DGKH: variants seen among roughly 807,000 people sequenced by gnomAD.
DGKH encodes DAG kinase eta.
In DGKH, 90 loss-of-function variants were observed where a neutral mutation model predicts 159.3. The ratio of observed to expected loss-of-function variants is 0.57; its 90% CI spans 0.48 to 0.67. DGKH has a LOEUF of 0.67. Ranked by LOEUF, DGKH falls within the 30% of genes least tolerant of loss-of-function variation. DGKH has a pLI of 0.00. For synonymous variants in DGKH, 536 were observed against 553.8 expected, an observed-to-expected ratio of 0.97 and a Z score of 0.45; for missense variants, 1,181 against 1,506.1, an observed-to-expected ratio of 0.78 and a Z score of 3.57.
downstream of DGKH, among the ~76,000 whole-genome samples, chr13:42,247,029 C>T (rs116262076): frequency 3.8e-3 from 574 of 152,222 alleles, 5 homozygotes; most frequent in African/African-American, 0.013. Context: ...AACTTCCTGT[C>T]GCCCAGTTAC....
Position 42,209,084 on chromosome 13 carries a change from TC to T in DGKH, c.2715+13del. ...ATCGAATAGCCCAGGTTGGTTTCTC[TC>T]GTCAAACCTGACTGCACTTCTTGGG... On this transcript the variant is annotated intron_variant, in intron 22 of 29. Coordinates refer to ENST00000337343, the MANE Select transcript of DGKH (RefSeq NM_178009.5). The T allele has an allele frequency of 4.4e-6, 7 of 1,603,604 alleles. No homozygotes were observed. Among genetic ancestry groups the T allele is most frequent in the Non-Finnish European group, 6.0e-6 (7 of 1,173,344 alleles).
chr13:42,096,755 T>A (rs890128328), intron 1 of DGKH, among the ~76,000 whole-genome samples: 3 of 152,196 alleles, frequency 2.0e-5, no homozygotes, highest in African/African-American at 7.2e-5. Context: ...CTGAGGACCC[T>A]TTCAAGATGG....
chr13:42,184,024 C>A (rs1956842440), intron 13 of DGKH, among the ~76,000 whole-genome samples: 1 of 152,114 alleles, frequency 6.6e-6, no homozygotes, highest in Admixed American at 6.5e-5. Flanking sequence ...TGTCATAGAA[C>A]CATAGAATTT....
At chr13:42,212,707 A>G (rs933644339) in intron 24 of DGKH, among the ~76,000 whole-genome samples, 2 of 152,188 alleles carry the variant, frequency 1.3e-5, no homozygotes, top group African/African-American at 4.8e-5. Flanking sequence ...TCAATTTTTG[A>G]ACCTCTTCTT....
chr13:42,186,940 C>G (rs753515389), intron 13 of DGKH, 109 bp from the exon 14 acceptor site: 7 of 895,876 alleles, frequency 7.8e-6, no homozygotes, highest in Non-Finnish European at 1.2e-5. Flanking sequence ...TACAGATGAC[C>G]CAGATATTTG....
At chr13:42,112,435 C>T (rs183994578) in intron 1 of DGKH, among the ~76,000 whole-genome samples, 3 of 152,102 alleles carry the variant, frequency 2.0e-5, no homozygotes, top group Non-Finnish European at 2.9e-5. Flanking sequence ...GAGTGAGCCA[C>T]GATGCCTGGC....
chr13:42,173,403 T>C (rs569641330), intron 11 of DGKH, among the ~76,000 whole-genome samples: 1 of 152,372 alleles, frequency 6.6e-6, no homozygotes, highest in East Asian at 1.9e-4. Context: ...CAAATGATTT[T>C]ATGTTTGCTT....
At chr13:42,061,022 A>G (rs1043656513) in intron 1 of DGKH, among the ~76,000 whole-genome samples, 3 of 152,122 alleles carry the variant, frequency 2.0e-5, no homozygotes, top group South Asian at 4.2e-4. Flanking sequence ...TTTAATAGGT[A>G]GAATAAAAGA....
rs140616008 is a variant in DGKH, at chr13:42,134,909, G to A, written c.384+5277G>A. 6.9e-3 allele frequency among the ~76,000 whole-genome samples: 1,043 copies of A among 152,130 alleles called. 13 individuals carry two copies. Among genetic ancestry groups the A allele is most frequent in the African/African-American group, 0.024 (992 of 41,492 alleles). On this transcript the variant is annotated intron_variant, in intron 3 of 29. Coordinates refer to ENST00000337343, the MANE Select transcript of DGKH (RefSeq NM_178009.5). Reference sequence around the variant, plus strand: ...GGAGAATTGCTTGAACCCGGGAAGCGGAGGTTGCAGTGAGCCGAGATCGTG... The same window carrying A: ...GGAGAATTGCTTGAACCCGGGAAGCAGAGGTTGCAGTGAGCCGAGATCGTG...
chr13:42,100,455 C>T (rs989163722), intron 1 of DGKH, among the ~76,000 whole-genome samples: 10 of 152,144 alleles, frequency 6.6e-5, no homozygotes, highest in African/African-American at 2.4e-4. Context: ...ACCCCCTCCA[C>T]CCCCGATCCA....
chr13:42,173,915 A>T, intron 11 of DGKH, 145 bp from the exon 12 acceptor site: 1 of 476,360 alleles, frequency 2.1e-6, no homozygotes, highest in Admixed American at 3.8e-5. Flanking sequence ...TGGTTGTTTT[A>T]AGATAAAATA....
chr13:42,256,480 AC>A, exon 31 of DGKH: 1 of 1,245,068 alleles, frequency 8.0e-7, no homozygotes, highest in Non-Finnish European at 1.2e-6. Flanking sequence ...GCTATCTCAC[AC>A]CAGAACAGTT....
chr13:42,041,634 C>G (rs982690638), intron 1 of DGKH, among the ~76,000 whole-genome samples: 24 of 152,192 alleles, frequency 1.6e-4, no homozygotes, highest in Admixed American at 1.2e-3. Flanking sequence ...CAACTTCCTT[C>G]TCTCTTCCGA....
Position 42,127,473 on chromosome 13 carries a change from A to G in DGKH, c.203A>G (p.Lys68Arg). 6.2e-7 allele frequency: 1 copy of G among 1,613,424 alleles called. No individual in the cohort carries two copies. The highest frequency in any genetic ancestry group is 8.5e-7 in the Non-Finnish European group (1 of 1,179,468). Residue 68 changes from lysine to arginine, a missense_variant, in exon 2 of 30, where the codon AAA (lysine) becomes AGA (arginine). By Grantham distance (26) the Lys-to-Arg change is conservative. Transcript: ENST00000337343. ...TCTGCTTCTCTCTAGACCAGTATTA[A>G]AGAGGGACAGCTATTGAAGCAAACC... Reference protein sequence around the residue: ...SGQIRTKTSIKEGQLLKQTSS... With the variant: ...SGQIRTKTSIREGQLLKQTSS...
At chr13:42,165,997 TGA>T (rs763134268) in intron 8 of DGKH, among the ~76,000 whole-genome samples, 4 of 152,136 alleles carry the variant, frequency 2.6e-5, no homozygotes, top group Non-Finnish European at 5.9e-5. Context: ...GTAACAGACT[TGA>T]GCAACTGTGG....
At chr13:42,095,635 GA>G (rs972676044) in intron 1 of DGKH, among the ~76,000 whole-genome samples, 63 of 152,130 alleles carry the variant, frequency 4.1e-4, no homozygotes, top group African/African-American at 1.3e-3. Context: ...AAAAGCAAAG[GA>G]AACTCGTTCT....
chr13:42,078,257 G>A (rs1954135697), intron 1 of DGKH, among the ~76,000 whole-genome samples: 2 of 152,154 alleles, frequency 1.3e-5, no homozygotes, highest in Admixed American at 6.6e-5. Context: ...CTGAGAGGTC[G>A]GGATGTGTGA....
At chr13:42,135,491 G>GAAAAAAAAAAAAAAAAA (rs757279736) in intron 3 of DGKH, among the ~76,000 whole-genome samples, 1 of 69,136 alleles carries the variant, frequency 1.4e-5, no homozygotes. Flanking sequence ...CCCTGTCTCA[G>GAAAAAAAAAAAAAAAAA]AAAAAAAAAA....
chr13:42,188,791 A>G (rs894222571), intron 14 of DGKH, among the ~76,000 whole-genome samples: 19 of 152,220 alleles, frequency 1.2e-4, no homozygotes, highest in African/African-American at 4.3e-4. Context: ...AAACATCAAT[A>G]AAGCCATTGT....
Sources: allele counts gnomAD v4.1 joint callset (sites outside exome capture counted in the v4.1 genomes callset), GRCh38; gene constraint gnomAD v4.1.1; transcripts MANE v1.5; gene names NCBI Gene and HGNC (gene_info 2026-07-23, HGNC 2026-07-21).